Variants in DST observed in about 807,000 individuals in gnomAD.
DST encodes the protein bullous pemphigoid antigen.
A neutral mutation model predicts 875.2 loss-of-function variants in DST; 253 were observed. That is an observed-to-expected ratio of 0.29 (90% CI 0.26 to 0.32). The LOEUF (loss-of-function observed/expected upper bound fraction) is 0.32. Among genes scored for constraint, DST ranks in the 10% least tolerant of loss-of-function variants. DST has a pLI of 1.00. For synonymous variants in DST, 3,124 were observed against 3,197.1 expected (o/e 0.98, Z 0.77); for missense variants, 8,287 against 9,111.6 (o/e 0.91, Z 3.68).
intron 69 of DST, among the ~76,000 whole-genome samples, chr6:56,525,937 A>G (rs1477819432): frequency 2.6e-5 from 4 of 152,216 alleles, no homozygotes; most frequent in Non-Finnish European, 5.9e-5. Context: ...TAAAAAGAAA[A>G]CATTCTCTTT....
intron 4 of DST, among the ~76,000 whole-genome samples, chr6:56,837,587 T>C (rs2099795198): frequency 6.6e-6 from 1 of 152,172 alleles, no homozygotes; most frequent in Non-Finnish European, 1.5e-5. Flanking sequence ...GCACTCAAGA[T>C]TGCTTTCAAT....
Position 56,592,386 on chromosome 6 carries a change from G to A in DST, c.12727-28C>T, listed in dbSNP as rs770303477. The A allele has an allele frequency of 1.7e-5, 26 of 1,545,550 alleles. No individual in the cohort carries two copies. In the Admixed American group the frequency reaches 3.8e-4, roughly 23 times the overall value. On this transcript the variant is annotated intron_variant, in intron 48 of 103. Coordinates refer to ENST00000680361, the MANE Select transcript of DST (RefSeq NM_001374736.1). The stretch of plus-strand genomic sequence containing the variant: ...AACAATCAAAAGAGAAAAGGGGTAG[G>A]AGATTAAAACCCACTATTTTCATAT...
chr6:56,494,679 G>A (rs944232997), intron 82 of DST, among the ~76,000 whole-genome samples: 5 of 152,154 alleles, frequency 3.3e-5, no homozygotes, highest in African/African-American at 1.2e-4. Context: ...TATTTAAGTT[G>A]ATTATTCAGA....
chr6:56,660,562 C>A (rs959444620), intron 10 of DST, among the ~76,000 whole-genome samples: 1 of 149,420 alleles, frequency 6.7e-6, no homozygotes, highest in Non-Finnish European at 1.5e-5. Flanking sequence ...TCAGACTTAG[C>A]ATGTCCTTAC....
chr6:56,552,967 A>T lies in DST; in HGVS notation c.15825T>A (p.Phe5275Leu). The change falls in exon 61 of 104, where the codon TTT becomes TTA. Residue 5275 changes from phenylalanine to leucine, a missense_variant. By Grantham distance (22) the Phe-to-Leu change is conservative (BLOSUM62 0). This residue lies in a region of DST where 1,513 missense variants were observed against 1,677.8 expected (regional missense o/e 0.90). Coordinates refer to ENST00000680361, the MANE Select transcript of DST (RefSeq NM_001374736.1). ...CTTTGGAAACTTCTTGAAATTCTTTAAACTTCTGAGTCATGTTCTCCAGAC... is the reference window on the plus strand; with the variant it reads ...CTTTGGAAACTTCTTGAAATTCTTTTAACTTCTGAGTCATGTTCTCCAGAC... ...KFCLENMTQKFKEFQEVSKES... is the reference protein window; with the variant it reads ...KFCLENMTQKLKEFQEVSKES... 1 of 1,613,964 alleles carries T rather than the reference A, an allele frequency of 6.2e-7. No homozygotes were observed. Among genetic ancestry groups the T allele is most frequent in the Non-Finnish European group, 8.5e-7 (1 of 1,179,876 alleles).
intron 69 of DST, among the ~76,000 whole-genome samples, chr6:56,523,651 A>G (rs1397554261): frequency 6.6e-6 from 1 of 152,174 alleles, no homozygotes; most frequent in Non-Finnish European, 1.5e-5. Context: ...TAAAACTGGG[A>G]AAAAATATGA....
chr6:56,722,490 T>C (rs2099424262), intron 5 of DST, among the ~76,000 whole-genome samples: 1 of 152,308 alleles, frequency 6.6e-6, no homozygotes, highest in Admixed American at 6.5e-5. Context: ...TTCAAGTGAT[T>C]CTCCTGCCTC....
At chr6:56,871,440 C>T (rs1777036716) in intron 3 of DST, 4 of 1,596,394 alleles carry the variant, frequency 2.5e-6, no homozygotes, top group Non-Finnish European at 3.4e-6. Flanking sequence ...AGGTCGGTGG[C>T]CCAAAAAGAG....
intron 68 of DST, 95 bp downstream of exon 68, chr6:56,527,398 T>C (rs2096822592): frequency 2.1e-6 from 3 of 1,441,180 alleles, no homozygotes; most frequent in Middle Eastern, 1.8e-4. Context: ...CTTCAGCATA[T>C]GTAATGACAT....
At chr6:56,720,031 C>T (rs921425216) in intron 5 of DST, among the ~76,000 whole-genome samples, 3 of 152,142 alleles carry the variant, frequency 2.0e-5, no homozygotes, top group Admixed American at 1.3e-4. Flanking sequence ...TTGAGAGCAA[C>T]CGGTCTGACC....
At chr6:56,941,940 G>C (rs1444937957) in intron 2 of DST, among the ~76,000 whole-genome samples, 3 of 152,152 alleles carry the variant, frequency 2.0e-5, no homozygotes, top group African/African-American at 7.2e-5. Context: ...TATGATTACA[G>C]CATTGTCTAA....
At chr6:56,627,846 G>C (rs150859617) in intron 33 of DST, among the ~76,000 whole-genome samples, 153 bp downstream of exon 33, 2 of 152,216 alleles carry the variant, frequency 1.3e-5, no homozygotes, top group East Asian at 3.9e-4. Flanking sequence ...CATGTATGTA[G>C]GTTTGGGTTG....
At chr6:56,582,851 T>G (rs1272054908) in intron 49 of DST, among the ~76,000 whole-genome samples, 2 of 151,988 alleles carry the variant, frequency 1.3e-5, no homozygotes, top group East Asian at 3.9e-4. Flanking sequence ...CGGTGTTTGG[T>G]TTTTTGGCCT....
intron 72 of DST, among the ~76,000 whole-genome samples, chr6:56,513,509 C>T (rs74820492): frequency 0.026 from 3,962 of 151,836 alleles, 73 homozygotes; most frequent in Non-Finnish European, 0.042. Flanking sequence ...GGATTACAGG[C>T]GTGAGTCACC....
At chr6:56,853,403 T>G (rs985171318) in intron 3 of DST, among the ~76,000 whole-genome samples, 2 of 152,176 alleles carry the variant, frequency 1.3e-5, no homozygotes, top group African/African-American at 2.4e-5. Flanking sequence ...CTTTCTGAGA[T>G]TTTGTTTTTG....
chr6:56,836,617 G>A lies in DST; in HGVS notation c.625+14780C>T, dbSNP rs372891894. Among the ~76,000 whole-genome samples the A allele has an allele frequency of 6.8e-4, 103 of 152,100 alleles. No individual in the cohort carries two copies. The East Asian group carries it at 0.017, about 25-fold the overall frequency. On this transcript the variant is annotated intron_variant, in intron 4 of 103. Coordinates refer to ENST00000680361, the MANE Select transcript of DST (RefSeq NM_001374736.1). ...TGTAATCCCAGCACTTTGGGAGGCC[G>A]AGGCGGGCGGATCACGAGGTCAGGA...
At chr6:56,747,877 C>T (rs1393760663) in intron 4 of DST, among the ~76,000 whole-genome samples, 2 of 152,014 alleles carry the variant, frequency 1.3e-5, no homozygotes, top group Non-Finnish European at 2.9e-5. Context: ...ATAATCACTA[C>T]ATATATGTAA....
rs111975907 is a variant in DST, at chr6:56,775,081, T to A, written c.626-39792A>T. Among the ~76,000 whole-genome samples, 145 of 152,058 alleles carry A rather than the reference T, an allele frequency of 9.5e-4. 1 individual carries two copies. Among genetic ancestry groups the A allele is most frequent in the African/African-American group, 3.4e-3 (139 of 41,460 alleles). On this transcript the variant is annotated intron_variant, in intron 4 of 103. Transcript: ENST00000680361. The stretch of plus-strand genomic sequence containing the variant: ...TTGCAAAAGCAAGATGCAAACAGCT[T>A]CAATAGTAGAGTGTAATAAGTTTTG...
chr6:56,628,078 A>G lies in DST; in HGVS notation c.4559T>C (p.Val1520Ala), dbSNP rs766992585. ...YHPLDDWIQQ[V>A]ETTQRKIQEN... Reference sequence around the variant, plus strand: ...CTGAATCTTTCTCTGAGTAGTTTCAACCTGCTGGATCCAATCATCTAAAGG... The same window carrying G: ...CTGAATCTTTCTCTGAGTAGTTTCAGCCTGCTGGATCCAATCATCTAAAGG... Residue 1520 changes from valine to alanine, a missense_variant, in exon 33 of 104, where the codon GTT (valine) becomes GCT (alanine). Around this residue, in one of 10 missense-constraint regions of DST, gnomAD observed 3,138 missense variants for 3,116.6 expected, o/e 1.01. Transcript: ENST00000680361. 1.9e-6 allele frequency: 3 copies of G among 1,613,782 alleles called. No homozygotes were observed. Among genetic ancestry groups the G allele is most frequent in the Non-Finnish European group, 1.7e-6 (2 of 1,179,706 alleles).
Sources: allele counts gnomAD v4.1 joint callset (sites outside exome capture counted in the v4.1 genomes callset), GRCh38; gene constraint gnomAD v4.1.1; regional missense constraint gnomAD v4.1.1; transcripts MANE v1.5; gene names NCBI Gene and HGNC (gene_info 2026-07-23, HGNC 2026-07-21).